The following MYO19 variants were observed in gnomAD, a reference collection of about 807,000 sequenced individuals.
The protein encoded by MYO19 is myosin XIX.
A neutral mutation model predicts 129.2 loss-of-function variants in MYO19; 132 were observed. The ratio of observed to expected loss-of-function variants is 1.02; its 90% CI spans 0.89 to 1.18. MYO19 has a LOEUF of 1.18. Among genes scored for constraint, MYO19 ranks in the 50% most tolerant of loss-of-function variants. The pLI is 0.00. For synonymous variants in MYO19, 531 were observed against 477.2 expected, an observed-to-expected ratio of 1.11 and a Z score of -1.47; for missense variants, 1,210 against 1,216.7, an observed-to-expected ratio of 0.99 and a Z score of 0.08.
chr17:36,512,404 A>G (rs955583412), intron 11 of MYO19, among the ~76,000 whole-genome samples: 8 of 151,722 alleles, frequency 5.3e-5, no homozygotes, highest in Admixed American at 6.6e-5. Flanking sequence ...AAAAAAAAAA[A>G]AAAGAAAAAA....
intron 3 of MYO19, among the ~76,000 whole-genome samples, chr17:36,529,883 T>C (rs1423208661): frequency 1.3e-5 from 2 of 152,176 alleles, no homozygotes; most frequent in African/African-American, 4.8e-5. Context: ...CTTATGTTAA[T>C]TTCTTAATCT....
At chr17:36,536,683 T>C (rs975972785), upstream of MYO19, among the ~76,000 whole-genome samples, 6 of 151,864 alleles carry the variant, frequency 4.0e-5, no homozygotes, top group African/African-American at 1.5e-4. Context: ...CCTGGCTAAT[T>C]TTTGTATTTT....
Position 36,513,470 on chromosome 17 carries a change from G to A in MYO19, c.853C>T (p.His285Tyr). ...CFEVTREAML[H>Y]LGIDTPTQNN... ...TGGGTAGGGGTGTCAATGCCCAAAT[G>A]GAGCATGGCCTCTCTGGTCACCTCA... Residue 285 changes from histidine to tyrosine, a missense_variant, in exon 11 of 26, where the codon CAT becomes TAT. By Grantham distance (83) the His-to-Tyr change is moderately conservative. Transcript: ENST00000614623. 6.2e-7 allele frequency: 1 copy of A among 1,613,982 alleles called. No individual in the cohort carries two copies. The highest frequency in any genetic ancestry group is 8.5e-7 in the Non-Finnish European group (1 of 1,179,888).
chr17:36,496,419 G>A lies in MYO19; in HGVS notation c.2758-13C>T. The stretch of plus-strand genomic sequence containing the variant: ...ACTTTATCGATCCCTAGAGGGGAGA[G>A]AGAGATGCAGCTTTAGCACTAGTTC... On this transcript the variant is annotated splice_polypyrimidine_tract_variant and intron_variant, in intron 25 of 25. Transcript: ENST00000614623. 1 of 1,613,668 alleles carries A rather than the reference G, an allele frequency of 6.2e-7. No individual in the cohort carries two copies. Among genetic ancestry groups the A allele is most frequent in the Non-Finnish European group, 8.5e-7 (1 of 1,179,692 alleles).
intron 20 of MYO19, 58 bp downstream of exon 20, chr17:36,503,892 G>C: frequency 1.5e-6 from 2 of 1,370,744 alleles, no homozygotes; most frequent in Non-Finnish European, 1.9e-6. Context: ...TGCCCAATGA[G>C]AGTCCTGAGC....
At position 36,496,322 on chromosome 17, in the gene MYO19, A is replaced by G. The variant is rs746978850; in HGVS notation, c.2842T>C (p.Phe948Leu). ...TGTCTTTCCAGCAGAATCTGATTAA[A>G]GCCTGTAATGCTGTAGGGTGAAGGT... is the stretch of plus-strand genomic sequence containing the variant. ...PEPSPYSITG[F>L]NQILLERHRL... Residue 948 changes from phenylalanine to leucine, a missense_variant, in exon 26 of 26, where the codon TTT becomes CTT. Transcript: ENST00000614623. 5 of 1,614,052 alleles carry G rather than the reference A, an allele frequency of 3.1e-6. No homozygotes were observed. The highest frequency in any genetic ancestry group is 4.2e-6 in the Non-Finnish European group (5 of 1,179,894).
intron 23 of MYO19, chr17:36,500,581 C>T (rs767856378): frequency 6.5e-5 from 34 of 520,248 alleles, no homozygotes; most frequent in Admixed American, 1.3e-4. Context: ...TTAAAGACAA[C>T]GCTTAGACAA....
At chr17:36,515,764 A>C (rs2072703143) in intron 7 of MYO19, 94 bp downstream of exon 7, 1 of 1,407,762 alleles carries the variant, frequency 7.1e-7, no homozygotes, top group Non-Finnish European at 9.7e-7. Flanking sequence ...CCCCCACCCA[A>C]GAGAGGGTCT....
At chr17:36,538,760 A>AT (rs886974752), upstream of MYO19, 11,533 of 580,304 alleles carry the variant, frequency 0.02, 1 homozygote, top group South Asian at 0.026. Context: ...ATGCTTAATT[A>AT]TTTTTTTTTT....
At chr17:36,512,743 G>A (rs772656785) in intron 11 of MYO19, 11 of 1,288,886 alleles carry the variant, frequency 8.5e-6, no homozygotes, top group African/African-American at 7.6e-5. Flanking sequence ...TCCCTTTCTC[G>A]ACTGCCAGGC....
intron 21 of MYO19, among the ~76,000 whole-genome samples, chr17:36,502,265 C>T (rs1156932797): frequency 2.0e-5 from 3 of 152,214 alleles, no homozygotes; most frequent in Admixed American, 2.0e-4. Context: ...TGAGGGCCTC[C>T]AGATCCTTCC....
At chr17:36,507,573 C>T in intron 15 of MYO19, 61 bp from the exon 16 acceptor site, 1 of 1,541,052 alleles carries the variant, frequency 6.5e-7, no homozygotes, top group Non-Finnish European at 8.9e-7. Flanking sequence ...CCTGACGGGC[C>T]ATCCACGGCT....
rs1449932214 is a variant in MYO19 at position 36,496,024 on chromosome 17, T to G, written c.*227A>C. The G allele has an allele frequency of 3.8e-6, 3 of 796,736 alleles. No homozygotes were observed. The highest frequency in any genetic ancestry group is 5.5e-6 in the Non-Finnish European group (3 of 542,986). 49.4% of individuals were successfully genotyped at this position (796,736 alleles called of 1,614,324 possible). A position where few individuals can be genotyped will look rare whatever the true frequency, so the allele number is the denominator to read the frequency against. On this transcript the variant is annotated 3_prime_UTR_variant, in exon 26 of 26. Transcript: ENST00000614623. ...ATGTGGCCCTGATGTTTCTTAACCC[T>G]GATTTGGTAACTACCAGCCCTGACA... is the stretch of plus-strand genomic sequence containing the variant.
intron 6 of MYO19, among the ~76,000 whole-genome samples, chr17:36,521,834 C>T (rs888224336): frequency 6.6e-6 from 1 of 151,620 alleles, no homozygotes; most frequent in African/African-American, 2.4e-5. Context: ...AGATCGAGAT[C>T]ATCTTGGCCA....
At chr17:36,513,092 CATGACTTGTAAGTTTTA>C in intron 11 of MYO19, 2 of 1,324,512 alleles carry the variant, frequency 1.5e-6, no homozygotes, top group East Asian at 3.1e-5. Flanking sequence ...GAAGTGTGAA[CATGACTTGTAAGTTTTA>C]ATGTACTAGA....
chr17:36,540,204 CTA>C (rs762047703), intron 2 of MYO19, among the ~76,000 whole-genome samples: 214 of 152,176 alleles, frequency 1.4e-3, no homozygotes, highest in Non-Finnish European at 2.5e-3. Context: ...TTTAATAAAA[CTA>C]TGGCTAAATT....
intron 24 of MYO19, 105 bp from the exon 25 acceptor site, chr17:36,498,664 G>T: frequency 7.5e-7 from 1 of 1,325,512 alleles, no homozygotes; most frequent in Non-Finnish European, 1.0e-6. Flanking sequence ...AAGGTGAACT[G>T]AAGGCACCTG....
At chr17:36,529,033 G>A (rs996497045) in intron 3 of MYO19, among the ~76,000 whole-genome samples, 4 of 152,126 alleles carry the variant, frequency 2.6e-5, no homozygotes, top group African/African-American at 9.7e-5. Context: ...TTAAATTTAG[G>A]CTGGCTAATG....
In MYO19 at chr17:36,525,348, C is replaced by T. The variant is rs543179459; in HGVS notation, c.301-7G>A. ...ACACATGGGGCTTCAGTTTCTGGAACATCAAGGAGTGAAAGGTCATGTGAG... is the reference window on the plus strand; with the variant it reads ...ACACATGGGGCTTCAGTTTCTGGAATATCAAGGAGTGAAAGGTCATGTGAG... On this transcript the variant is annotated splice_polypyrimidine_tract_variant and splice_region_variant and intron_variant, in intron 5 of 25. Coordinates refer to ENST00000614623, the MANE Select transcript of MYO19 (RefSeq NM_001163735.2). 6.3e-6 allele frequency: 10 copies of T among 1,597,576 alleles called. No individual in the cohort carries two copies. Among genetic ancestry groups the T allele is most frequent in the Non-Finnish European group, 8.6e-6 (10 of 1,165,636 alleles).
Sources: allele counts gnomAD v4.1 joint callset (sites outside exome capture counted in the v4.1 genomes callset), GRCh38; gene constraint gnomAD v4.1.1; transcripts MANE v1.5; gene names NCBI Gene and HGNC (gene_info 2026-07-23, HGNC 2026-07-21).